The following MYO16 variants were observed in gnomAD, a reference collection of about 807,000 sequenced individuals.
MYO16 encodes myosin XVI, also known as unconventional myosin-XVI.
In MYO16, 94 loss-of-function variants were observed where a neutral mutation model predicts 205.3. The observed-to-expected ratio is 0.46, with a 90% CI of 0.39 to 0.54. MYO16 has a LOEUF of 0.54. Among genes scored for constraint, MYO16 ranks in the 20% least tolerant of loss-of-function variants. The pLI, the probability that MYO16 is intolerant of heterozygous loss-of-function variation, is 0.00. For synonymous variants in MYO16, 988 were observed against 954.0 expected, an observed-to-expected ratio of 1.04 and a Z score of -0.66; for missense variants, 2,315 against 2,387.5, an observed-to-expected ratio of 0.97 and a Z score of 0.63.
intron 1 of MYO16, among the ~76,000 whole-genome samples, chr13:108,651,086 A>G (rs1880980854): frequency 6.6e-6 from 1 of 152,184 alleles, no homozygotes; most frequent in Admixed American, 6.6e-5. Context: ...AAGATTTGGC[A>G]CTGTGCAGTT....
chr13:109,196,548 C>CTTT (rs1880163116), intron 34 of MYO16, among the ~76,000 whole-genome samples: 1 of 152,118 alleles, frequency 6.6e-6, no homozygotes, highest in South Asian at 2.1e-4. Context: ...AATGACTTAG[C>CTTT]TTTTACCTTA....
intron 4 of MYO16, among the ~76,000 whole-genome samples, chr13:108,772,589 T>C (rs903863505): frequency 1.3e-5 from 2 of 151,448 alleles, no homozygotes; most frequent in Non-Finnish European, 2.9e-5. Flanking sequence ...TCCTAAGCCT[T>C]GGAAAAAAAA....
upstream of MYO16, among the ~76,000 whole-genome samples, chr13:108,592,424 TGGAGGG>T: frequency 1.4e-5 from 1 of 72,604 alleles, no homozygotes; most frequent in African/African-American, 5.8e-5. Flanking sequence ...GGTGTGTGTG[TGGAGGG>T]GGGTATGTTG....
At chr13:108,596,482 A>C (rs1878563242) in intron 1 of MYO16, among the ~76,000 whole-genome samples, 1 of 152,208 alleles carries the variant, frequency 6.6e-6, no homozygotes, top group South Asian at 2.1e-4. Flanking sequence ...AAAGCTAAAA[A>C]AAAAAGTCCA....
chr13:108,652,611 T>A (rs1881062175), intron 1 of MYO16, among the ~76,000 whole-genome samples: 2 of 152,202 alleles, frequency 1.3e-5, no homozygotes, highest in South Asian at 2.1e-4. Context: ...TGCTTCTGAG[T>A]TTGACCTCTT....
At chr13:108,957,396 A>C (rs1043430339) in intron 16 of MYO16, among the ~76,000 whole-genome samples, 3 of 151,064 alleles carry the variant, frequency 2.0e-5, no homozygotes, top group Non-Finnish European at 4.4e-5. Context: ...AAAAAAAAAA[A>C]AAAAACAAAA....
intron 9 of MYO16, among the ~76,000 whole-genome samples, chr13:108,825,769 T>C (rs1277410662): frequency 6.6e-6 from 1 of 151,892 alleles, no homozygotes; most frequent in Non-Finnish European, 1.5e-5. Flanking sequence ...ACAGAAACAA[T>C]CTGTATTTCT....
chr13:108,772,174 C>A (rs1885986689), intron 4 of MYO16, among the ~76,000 whole-genome samples: 2 of 150,820 alleles, frequency 1.3e-5, no homozygotes, highest in African/African-American at 4.9e-5. Flanking sequence ...CATGGTGAGA[C>A]CCAGTTTCTG....
rs1594431194 is a variant in MYO16, at chr13:108,964,787, A to G, written c.2254A>G (p.Ile752Val). 6.2e-7 allele frequency: 1 copy of G among 1,614,154 alleles called. No individual in the cohort carries two copies. Among genetic ancestry groups the G allele is most frequent in the Non-Finnish European group, 8.5e-7 (1 of 1,180,010 alleles). ...GGATATGATAATACGACGACATACC[A>G]TACAGATTGCTGAGTTTTTCCGAGA... The part of the protein sequence containing the change: ...KGDMIIRRHT[I>V]QIAEFFRDLL... The change falls in exon 20 of 35, where the codon ATA (isoleucine) becomes GTA (valine). Residue 752 changes from isoleucine to valine, a missense_variant. Physicochemically the swap from Ile to Val is conservative, Grantham distance 29. Coordinates refer to ENST00000457511, the MANE Select transcript of MYO16 (RefSeq NM_001198950.3).
upstream of MYO16, among the ~76,000 whole-genome samples, chr13:108,594,018 C>T (rs1225585078): frequency 6.6e-6 from 1 of 152,116 alleles, no homozygotes; most frequent in Non-Finnish European, 1.5e-5. Context: ...TGGAACAAGA[C>T]CCCTCTGTAA....
At chr13:108,739,202 C>T (rs1884814748) in intron 4 of MYO16, among the ~76,000 whole-genome samples, 2 of 152,092 alleles carry the variant, frequency 1.3e-5, no homozygotes, top group African/African-American at 4.8e-5. Context: ...TTATTTTGCT[C>T]ATTAGTTGAT....
the MYO16 span, among the ~76,000 whole-genome samples, chr13:108,541,740 T>C: frequency 6.6e-6 from 1 of 152,136 alleles, no homozygotes; most frequent in Non-Finnish European, 1.5e-5. Context: ...ATTAGAGACA[T>C]GCAAGTCAAA....
At chr13:108,738,199 C>T (rs1364305291) in intron 4 of MYO16, among the ~76,000 whole-genome samples, 1 of 151,728 alleles carries the variant, frequency 6.6e-6, no homozygotes, top group Non-Finnish European at 1.5e-5. Flanking sequence ...TTTTCTCTTG[C>T]TTCTCTAGTT....
intron 16 of MYO16, among the ~76,000 whole-genome samples, chr13:108,945,527 G>A (rs1882904572): frequency 6.6e-6 from 1 of 152,084 alleles, no homozygotes; most frequent in Non-Finnish European, 1.5e-5. Context: ...AGAACATTAG[G>A]TGTCAAAATG....
At chr13:108,599,012 C>T (rs1367642812) in intron 1 of MYO16, among the ~76,000 whole-genome samples, 1 of 115,724 alleles carries the variant, frequency 8.6e-6, no homozygotes, top group Non-Finnish European at 1.7e-5. Flanking sequence ...CCCACCCCAT[C>T]CCCAGAGTGT....
upstream of MYO16, among the ~76,000 whole-genome samples, chr13:108,591,358 C>T (rs1321037436): frequency 1.3e-5 from 2 of 152,004 alleles, no homozygotes; most frequent in African/African-American, 4.8e-5. Context: ...TTTTCCTAAA[C>T]ATAAAAGAGG....
chr13:109,080,987 ATATT>A (rs1888263587), intron 27 of MYO16, among the ~76,000 whole-genome samples: 1 of 152,114 alleles, frequency 6.6e-6, no homozygotes, highest in Non-Finnish European at 1.5e-5. Flanking sequence ...CATACTAACA[ATATT>A]TATCTATTTC....
At chr13:108,656,547 G>C (rs1022383107) in intron 1 of MYO16, among the ~76,000 whole-genome samples, 1 of 152,086 alleles carries the variant, frequency 6.6e-6, no homozygotes, top group Admixed American at 6.5e-5. Context: ...TGAGATCTTC[G>C]ATATAAAGCA....
chr13:108,549,466 C>G, the MYO16 span, among the ~76,000 whole-genome samples: 4 of 151,730 alleles, frequency 2.6e-5, no homozygotes, highest in African/African-American at 4.8e-5. Flanking sequence ...ACCACTGTAA[C>G]TGTAAAATAA....
Sources: gnomAD v4.1 joint callset for allele counts (sites outside exome capture counted in the v4.1 genomes callset) on GRCh38, gnomAD v4.1.1 for gene constraint, MANE v1.5 for transcripts, NCBI Gene and HGNC (gene_info 2026-07-23, HGNC 2026-07-21) for gene names.